TFAP4: variants seen among roughly 807,000 people sequenced by gnomAD.
The protein encoded by TFAP4 is activating enhancer-binding protein 4.
A neutral mutation model predicts 40.4 loss-of-function variants in TFAP4; 7 were observed. The observed-to-expected ratio is 0.17, with a 90% CI of 0.10 to 0.33. The LOEUF is 0.33. TFAP4 is among the 10% of genes least tolerant of loss of function. The probability of loss-of-function intolerance (pLI) is 1.00; values close to 1 mark genes in which losing one functional copy is unlikely to be tolerated. For missense variants in TFAP4, 374 were observed against 451.1 expected, an observed-to-expected ratio of 0.83 and a Z score of 1.55; for synonymous variants, 218 against 181.4, an observed-to-expected ratio of 1.20 and a Z score of -1.62.
chr16:4,266,268 T>G (rs567630500), intron 1 of TFAP4: 2 of 152,424 alleles, frequency 1.3e-5, no homozygotes, highest in South Asian at 4.1e-4. Flanking sequence ...CAATGCTCCA[T>G]CCTGCCTCCT....
chr16:4,259,944 G>A (rs1005242783), intron 6 of TFAP4, 146 bp downstream of exon 6: 32 of 1,096,700 alleles, frequency 2.9e-5, no homozygotes, highest in African/African-American at 8.2e-5. Flanking sequence ...ATCCAGGGAC[G>A]GGGCCCCCCA....
At chr16:4,260,361 G>A in intron 5 of TFAP4, 94 bp downstream of exon 5, 3 of 1,505,222 alleles carry the variant, frequency 2.0e-6, no homozygotes, top group East Asian at 2.3e-5. Context: ...TTAAGAAGCA[G>A]AGAGGACGTG....
intron 1 of TFAP4, chr16:4,266,762 G>A (rs2141095638): frequency 6.6e-6 from 1 of 152,288 alleles, no homozygotes; most frequent in South Asian, 2.1e-4. Flanking sequence ...GTTAAGGTCT[G>A]TAAACGTCCT....
At chr16:4,272,156 A>C (rs1206792258) in intron 1 of TFAP4, among the ~76,000 whole-genome samples, 1 of 149,968 alleles carries the variant, frequency 6.7e-6, no homozygotes, top group East Asian at 2.0e-4. Context: ...AAACACGCAC[A>C]GTGCCCGGCT....
intron 4 of TFAP4, among the ~76,000 whole-genome samples, 185 bp from the exon 5 acceptor site, chr16:4,260,780 A>G (rs1373975359): frequency 6.6e-6 from 1 of 151,968 alleles, no homozygotes; most frequent in Non-Finnish European, 1.5e-5. Context: ...CTCGGCCTCC[A>G]CTGGACCATG....
chr16:4,263,129 G>A, intron 1 of TFAP4: 1 of 194,298 alleles, frequency 5.1e-6, no homozygotes, highest in Non-Finnish European at 1.1e-5. Context: ...CTATGATCAC[G>A]CCACTGCACT....
chr16:4,258,251 T>C lies in TFAP4; in HGVS notation c.823-2A>G. ...GGTGCCCTCGATGTGCTGGATTGCC[T>C]GGACAGGGACGAACCACTGAGAAGG... On this transcript the variant is annotated splice_acceptor_variant, in intron 6 of 6. Coordinates refer to ENST00000204517, the MANE Select transcript of TFAP4 (RefSeq NM_003223.3). LOFTEE classifies it high-confidence loss of function. 6.3e-7 allele frequency: 1 copy of C among 1,586,024 alleles called. No homozygotes were observed. The highest frequency in any genetic ancestry group is 8.6e-7 in the Non-Finnish European group (1 of 1,163,254).
Position 4,272,853 on chromosome 16 carries a change from G to A in TFAP4, c.-107C>T, listed in dbSNP as rs2053050127. 1.2e-6 allele frequency: 1 copy of A among 835,258 alleles called. No homozygotes were observed. Among genetic ancestry groups the A allele is most frequent in the African/African-American group, 1.8e-5 (1 of 56,462 alleles). The allele number at this position is 835,258 out of a possible 1,614,324, so 51.7% of individuals were successfully genotyped here. On this transcript the variant is annotated 5_prime_UTR_variant, in exon 1 of 7. Transcript: ENST00000204517. The stretch of plus-strand genomic sequence containing the variant: ...AGCGCCGGACGGAGGTGCAGAATCG[G>A]CCGGTCCCAGATGCTGGCGGCGGCG...
At chr16:4,259,412 G>A (rs905477223) in intron 6 of TFAP4, among the ~76,000 whole-genome samples, 1 of 152,146 alleles carries the variant, frequency 6.6e-6, no homozygotes, top group Non-Finnish European at 1.5e-5. Context: ...TGGGATTGCA[G>A]GTGTGAGCCA....
In TFAP4 at chr16:4,258,064, C is replaced by G. The variant is rs975295356; in HGVS notation, c.1008G>C (p.Glu336Asp). The change falls in exon 7 of 7, where the codon GAG (glutamate) becomes GAC (aspartate). Residue 336 changes from glutamate (E) to aspartate (D), a missense_variant. Transcript: ENST00000204517. ...AGGGCTGGGGGGGTAGTCAGGGAAG[C>G]TCCCCGTCCCCCGACGGCTCCTCCC... ...QSREEPSGDG[E>D]LP The G allele has an allele frequency of 6.2e-7, 1 of 1,611,286 alleles. No homozygotes were observed. The highest frequency in any genetic ancestry group is 1.3e-5 in the African/African-American group (1 of 74,990).
chr16:4,260,874 A>G (rs1352910839), intron 4 of TFAP4, among the ~76,000 whole-genome samples: 3 of 152,208 alleles, frequency 2.0e-5, no homozygotes, highest in Non-Finnish European at 2.9e-5. Flanking sequence ...ATGAGACTCA[A>G]CTTCCCACTT....
At chr16:4,261,348 C>T (rs151081715) in intron 4 of TFAP4, among the ~76,000 whole-genome samples, 5 of 151,332 alleles carry the variant, frequency 3.3e-5, no homozygotes, top group African/African-American at 1.2e-4. Flanking sequence ...GGCACGATCT[C>T]GGCTCACTGC....
Position 4,258,176 on chromosome 16 carries a change from T to A in TFAP4, c.896A>T (p.Lys299Met). 1 of 1,613,802 alleles carries A rather than the reference T, an allele frequency of 6.2e-7. No individual in the cohort carries two copies. The highest frequency in any genetic ancestry group is 8.5e-7 in the Non-Finnish European group (1 of 1,179,848). ...EEEQRRAVIV[K>M]PVRSCPEAPT... The stretch of plus-strand genomic sequence containing the variant: ...GGCCTCCGGGCAGCTGCGGACAGGC[T>A]TCACGATGACAGCTCGCCGCTGCTC... Residue 299 changes from lysine (K) to methionine (M), a missense_variant, in exon 7 of 7, where the codon AAG becomes ATG. This residue lies in a region of TFAP4 where 93 missense variants were observed against 79.2 expected (regional missense o/e 1.17). Coordinates refer to ENST00000204517, the MANE Select transcript of TFAP4 (RefSeq NM_003223.3).
At chr16:4,261,617 A>T (rs1210089407) in intron 4 of TFAP4, among the ~76,000 whole-genome samples, 162 bp downstream of exon 4, 1 of 152,074 alleles carries the variant, frequency 6.6e-6, no homozygotes, top group African/African-American at 2.4e-5. Flanking sequence ...GTGGCCCCCA[A>T]GGGCAGAGAC....
Position 4,257,985 on chromosome 16 carries a change from C to G in TFAP4, c.*70G>C. On this transcript the variant is annotated 3_prime_UTR_variant, in exon 7 of 7. Transcript: ENST00000204517. ...TTGTAAAAATTTCTCACTCATTCGC[C>G]CATGTCTCTCCCTGTGGCTGCCCCG... The G allele has an allele frequency of 6.8e-7, 1 of 1,462,470 alleles. No homozygotes were observed. The highest frequency in any genetic ancestry group is 9.3e-7 in the Non-Finnish European group (1 of 1,077,314). The allele number at this position is 1,462,470 out of a possible 1,614,324, so 90.6% of individuals were successfully genotyped here.
rs1447216705 is a variant in TFAP4, at chr16:4,258,094, C to G, written c.978G>C (p.Gln326His). ...CGTCCCCCGACGGCTCCTCCCGGCT[C>G]TGGTCCATGGCGTCACTGTCTGAGG... ...SEASDSDAMDQSREEPSGDGE... is the reference protein window; with the variant it reads ...SEASDSDAMDHSREEPSGDGE... Residue 326 changes from glutamine (Q) to histidine (H), a missense_variant, in exon 7 of 7, where the codon CAG becomes CAC. By Grantham distance (24) the Gln-to-His change is conservative (BLOSUM62 0). This residue lies in a region of TFAP4 where 93 missense variants were observed against 79.2 expected (regional missense o/e 1.17). Coordinates refer to ENST00000204517, the MANE Select transcript of TFAP4 (RefSeq NM_003223.3). 1 of 1,613,464 alleles carries G rather than the reference C, an allele frequency of 6.2e-7. No individual in the cohort carries two copies. The highest frequency in any genetic ancestry group is 8.5e-7 in the Non-Finnish European group (1 of 1,179,900).
At chr16:4,269,725 G>A (rs930669091) in intron 1 of TFAP4, among the ~76,000 whole-genome samples, 1 of 151,310 alleles carries the variant, frequency 6.6e-6, no homozygotes, top group East Asian at 1.9e-4. Flanking sequence ...CAGGAAAATT[G>A]CTTGAACCCC....
At position 4,272,855 on chromosome 16, in the gene TFAP4, C is replaced by G. The variant is rs1452826014; in HGVS notation, c.-109G>C. ...CGCCGGACGGAGGTGCAGAATCGGC[C>G]GGTCCCAGATGCTGGCGGCGGCGGC... On this transcript the variant is annotated 5_prime_UTR_variant, in exon 1 of 7. Coordinates refer to ENST00000204517, the MANE Select transcript of TFAP4 (RefSeq NM_003223.3). The G allele has an allele frequency of 4.0e-5, 25 of 630,496 alleles. No homozygotes were observed. Among genetic ancestry groups the G allele is most frequent in the Non-Finnish European group, 5.0e-5 (23 of 460,388 alleles). The allele number at this position is 630,496 out of a possible 1,614,324, so 39.1% of individuals were successfully genotyped here.
intron 6 of TFAP4, among the ~76,000 whole-genome samples, chr16:4,259,376 C>G (rs749400168): frequency 2.0e-5 from 3 of 152,090 alleles, no homozygotes; most frequent in Non-Finnish European, 4.4e-5. Context: ...CTCAAGTGAT[C>G]CACCCACTTT....
Sources: gnomAD v4.1 joint callset for allele counts (sites outside exome capture counted in the v4.1 genomes callset) on GRCh38, gnomAD v4.1.1 for gene constraint, gnomAD v4.1.1 regional missense constraint, MANE v1.5 for transcripts, NCBI Gene and HGNC (gene_info 2026-07-23, HGNC 2026-07-21) for gene names.